ADAMTS3: variants seen among roughly 807,000 people sequenced by gnomAD.
ADAMTS3 encodes ADAM metallopeptidase with thrombospondin type 1 motif 3.
ADAMTS3 carries 73 observed loss-of-function variants against 129.0 expected under a neutral mutation model. The observed-to-expected ratio is 0.57, with a 90% CI of 0.47 to 0.69. The LOEUF (loss-of-function observed/expected upper bound fraction) is 0.69, where lower values mean the gene tolerates loss of function less well. Ranked by LOEUF, ADAMTS3 falls within the 30% of genes least tolerant of loss-of-function variation. ADAMTS3 has a pLI of 0.00. For missense variants in ADAMTS3, 1,457 were observed against 1,514.5 expected, an observed-to-expected ratio of 0.96 and a Z score of 0.63; for synonymous variants, 477 against 510.8, an observed-to-expected ratio of 0.93 and a Z score of 0.89.
chr4:72,377,514 T>C (rs988954607), intron 4 of ADAMTS3, among the ~76,000 whole-genome samples: 1 of 152,186 alleles, frequency 6.6e-6, no homozygotes, highest in Non-Finnish European at 1.5e-5. Flanking sequence ...GAAAGGCCTA[T>C]CTAGACGGCT....
chr4:72,442,941 C>T lies in ADAMTS3; in HGVS notation c.505-27970G>A, dbSNP rs1035303976. 5.3e-5 allele frequency among the ~76,000 whole-genome samples: 8 copies of T among 151,718 alleles called. No individual in the cohort carries two copies. The East Asian group carries it at 1.6e-3, about 30-fold the overall frequency. On this transcript the variant is annotated intron_variant, in intron 3 of 21. Coordinates refer to ENST00000286657, the MANE Select transcript of ADAMTS3 (RefSeq NM_014243.3). ...ATTCTTTAACCTTGGATTAGTCACT[C>T]AATGACTCCAAACCTCAGCTTTCCC...
At chr4:72,489,240 ATCTC>A (rs550251799) in intron 3 of ADAMTS3, among the ~76,000 whole-genome samples, 11 of 152,148 alleles carry the variant, frequency 7.2e-5, no homozygotes, top group African/African-American at 2.6e-4. Flanking sequence ...AAGTGCAGAC[ATCTC>A]TCTGAGATAG....
At chr4:72,416,068 A>G (rs1056255723) in intron 3 of ADAMTS3, among the ~76,000 whole-genome samples, 6 of 149,906 alleles carry the variant, frequency 4.0e-5, no homozygotes, top group African/African-American at 9.8e-5. Flanking sequence ...GGAGTTTCTT[A>G]CTCCTTCGAA....
chr4:72,301,630 C>T (rs2109785540), intron 17 of ADAMTS3, among the ~76,000 whole-genome samples: 1 of 151,972 alleles, frequency 6.6e-6, no homozygotes, highest in Non-Finnish European at 1.5e-5. Flanking sequence ...TAGCTGTCTT[C>T]TGCTTTCATC....
At chr4:72,402,824 C>T (rs560149021) in intron 4 of ADAMTS3, among the ~76,000 whole-genome samples, 3 of 152,226 alleles carry the variant, frequency 2.0e-5, no homozygotes, top group Non-Finnish European at 4.4e-5. Flanking sequence ...TATAAAACAT[C>T]TTTCATAGGA....
chr4:72,461,116 A>G (rs1401357354), intron 3 of ADAMTS3, among the ~76,000 whole-genome samples: 5 of 151,750 alleles, frequency 3.3e-5, no homozygotes, highest in African/African-American at 1.2e-4. Flanking sequence ...TGCTCCCAAT[A>G]CGGGAGTCTC....
intron 4 of ADAMTS3, among the ~76,000 whole-genome samples, chr4:72,364,442 C>A (rs911338614): frequency 2.6e-5 from 4 of 151,868 alleles, no homozygotes; most frequent in Non-Finnish European, 5.9e-5. Flanking sequence ...TGGAGAAACC[C>A]TGTCTCTACT....
At chr4:72,509,450 G>A (rs1258060383) in intron 3 of ADAMTS3, among the ~76,000 whole-genome samples, 1 of 150,154 alleles carries the variant, frequency 6.7e-6, no homozygotes, top group Non-Finnish European at 1.5e-5. Context: ...AACAAATAGT[G>A]CAGAAATTCA....
intron 3 of ADAMTS3, among the ~76,000 whole-genome samples, chr4:72,478,086 G>A (rs1262129750): frequency 6.6e-6 from 1 of 152,136 alleles, no homozygotes; most frequent in Non-Finnish European, 1.5e-5. Flanking sequence ...GGACCAGATG[G>A]TTTCACAGCC....
intron 21 of ADAMTS3, 111 bp from the exon 22 acceptor site, chr4:72,283,815 A>G (rs1232454158): frequency 6.8e-6 from 6 of 885,414 alleles, no homozygotes; most frequent in Non-Finnish European, 9.9e-6. Context: ...GCAATCTGAC[A>G]CTAACGGGAG....
At chr4:72,459,256 G>C (rs1718702257) in intron 3 of ADAMTS3, among the ~76,000 whole-genome samples, 1 of 151,554 alleles carries the variant, frequency 6.6e-6, no homozygotes, top group Non-Finnish European at 1.5e-5. Flanking sequence ...TGCTTGCTCT[G>C]TGTAGAGATA....
intron 4 of ADAMTS3, among the ~76,000 whole-genome samples, chr4:72,358,090 G>A (rs368988332): frequency 2.6e-4 from 39 of 151,988 alleles, no homozygotes; most frequent in African/African-American, 8.9e-4. Flanking sequence ...CTAGGGGGTG[G>A]AATGCCTGGC....
Position 72,472,567 on chromosome 4 carries a change from A to T in ADAMTS3, c.505-57596T>A, listed in dbSNP as rs530846018. ...ATGAATTGCTTTTAAGAACCTGACA[A>T]TGTCATCTTGTCCGTTCCCCAATAT... is the stretch of plus-strand genomic sequence containing the variant. On this transcript the variant is annotated intron_variant, in intron 3 of 21. Coordinates refer to ENST00000286657, the MANE Select transcript of ADAMTS3 (RefSeq NM_014243.3). 5.4e-4 allele frequency among the ~76,000 whole-genome samples: 82 copies of T among 152,172 alleles called. 1 individual carries two copies. Among genetic ancestry groups the T allele is most frequent in the African/African-American group, 2.0e-3 (82 of 41,546 alleles).
chr4:72,492,321 T>C (rs1322708246), intron 3 of ADAMTS3, among the ~76,000 whole-genome samples: 1 of 151,630 alleles, frequency 6.6e-6, no homozygotes, highest in Non-Finnish European at 1.5e-5. Flanking sequence ...TTATTCTTGT[T>C]TTTCTAGTTC....
At chr4:72,426,422 T>C (rs1224761261) in intron 3 of ADAMTS3, among the ~76,000 whole-genome samples, 1 of 152,154 alleles carries the variant, frequency 6.6e-6, no homozygotes, top group Non-Finnish European at 1.5e-5. Flanking sequence ...GGGCATTTGA[T>C]TCTATGTTGC....
At chr4:72,500,900 T>G (rs1385922757) in intron 3 of ADAMTS3, among the ~76,000 whole-genome samples, 7 of 152,156 alleles carry the variant, frequency 4.6e-5, no homozygotes, top group Non-Finnish European at 1.0e-4. Context: ...TTTTGTTAAG[T>G]TTTTTAAAGA....
intron 4 of ADAMTS3, among the ~76,000 whole-genome samples, chr4:72,369,069 A>G (rs1720939582): frequency 6.6e-6 from 1 of 152,246 alleles, no homozygotes; most frequent in African/African-American, 2.4e-5. Context: ...GGTACAAAAC[A>G]CACAGATTGC....
Position 72,423,079 on chromosome 4 carries a change from CTG to C in ADAMTS3, c.505-8110_505-8109del, listed in dbSNP as rs1430372982. 2.6e-5 allele frequency among the ~76,000 whole-genome samples: 4 copies of C among 152,098 alleles called. No individual in the cohort carries two copies. The South Asian group carries it at 6.2e-4, about 24-fold the overall frequency. On this transcript the variant is annotated intron_variant, in intron 3 of 21. Coordinates refer to ENST00000286657, the MANE Select transcript of ADAMTS3 (RefSeq NM_014243.3). ...TGCCATGGACACCTTCCATTTCTAACTGTGACAACTAAACGTGGTTTTATTGC... is the reference window on the plus strand; with the variant it reads ...TGCCATGGACACCTTCCATTTCTAACTGACAACTAAACGTGGTTTTATTGC...
At chr4:72,409,234 G>A (rs1578655268) in intron 4 of ADAMTS3, among the ~76,000 whole-genome samples, 1 of 152,224 alleles carries the variant, frequency 6.6e-6, no homozygotes, top group East Asian at 1.9e-4. Flanking sequence ...AATAGAGTGT[G>A]TTTTATATTG....
Sources: gnomAD v4.1 joint callset for allele counts (sites outside exome capture counted in the v4.1 genomes callset) on GRCh38, gnomAD v4.1.1 for gene constraint, MANE v1.5 for transcripts, NCBI Gene and HGNC (gene_info 2026-07-23, HGNC 2026-07-21) for gene names.